The following SLC22A8 variants were observed in gnomAD, a reference collection of about 807,000 sequenced individuals.
SLC22A8 encodes organic anion transporter 3.
In SLC22A8, 40 loss-of-function variants were observed where a neutral mutation model predicts 48.4. The observed-to-expected ratio is 0.83, with a 90% confidence interval of 0.64 to 1.08. The LOEUF is 1.08. Ranked by LOEUF, SLC22A8 falls within the 50% of genes least tolerant of loss-of-function variation. The pLI is 0.00. For missense variants in SLC22A8, 606 were observed against 699.0 expected, an observed-to-expected ratio of 0.87 and a Z score of 1.50; for synonymous variants, 268 against 286.3, an observed-to-expected ratio of 0.94 and a Z score of 0.65.
At position 63,006,595 on chromosome 11, in the gene SLC22A8, GTTTTTTTTTTTTT is replaced by G. The variant is rs58058368; in HGVS notation, c.334-5785_334-5773del. Among the ~76,000 whole-genome samples, 97 of 51,428 alleles carry G rather than the reference GTTTTTTTTTTTTT, an allele frequency of 1.9e-3. No homozygotes were observed. In the Middle Eastern group the frequency reaches 0.047, roughly 25 times the overall value. The allele number at this position is 51,428 out of a possible 152,430, so 33.7% of individuals were successfully genotyped here. On this transcript the variant is annotated intron_variant, in intron 2 of 10. Coordinates refer to ENST00000336232, the MANE Select transcript of SLC22A8 (RefSeq NM_004254.4). ...TGAGGACTGAGAATGTCTCATTTGA[GTTTTTTTTTTTTT>G]TTTTTTTTTTTTTTTTTGAGACAGA...
chr11:63,006,466 G>A (rs1310489012), intron 2 of SLC22A8, among the ~76,000 whole-genome samples: 1 of 151,950 alleles, frequency 6.6e-6, no homozygotes, highest in Admixed American at 6.6e-5. Flanking sequence ...TAGGTAAGGT[G>A]CTCCTCATTT....
At position 63,014,663 on chromosome 11, in the gene SLC22A8, C is replaced by G. The variant is rs928963210; in HGVS notation, c.296G>C (p.Trp99Ser). Residue 99 changes from tryptophan (W) to serine (S), a missense_variant, in exon 2 of 11, where the codon TGG (tryptophan) becomes TCG (serine). Physicochemically the swap from Trp to Ser is radical, Grantham distance 177. Coordinates refer to ENST00000336232, the MANE Select transcript of SLC22A8 (RefSeq NM_004254.4). ...GGAGTCCTTGGTGCTGTTGTAGACC[C>G]AGCCATCCAGGCATGGCTCCATGGC... is the stretch of plus-strand genomic sequence containing the variant. ...QRAMEPCLDGWVYNSTKDSIV... is the reference protein window; with the variant it reads ...QRAMEPCLDGSVYNSTKDSIV... 4 of 1,609,828 alleles carry G rather than the reference C, an allele frequency of 2.5e-6. No individual in the cohort carries two copies. The highest frequency in any genetic ancestry group is 2.5e-6 in the Non-Finnish European group (3 of 1,176,966).
At chr11:63,000,918 C>T (rs2086486448) in intron 2 of SLC22A8, 95 bp from the exon 3 acceptor site, 1 of 929,368 alleles carries the variant, frequency 1.1e-6, no homozygotes, top group Non-Finnish European at 1.7e-6. Context: ...GCTTCCTCTC[C>T]CAGCGCCCTG....
In SLC22A8 at chr11:62,994,765, C is replaced by G; in HGVS notation, c.1002-9G>C. On this transcript the variant is annotated splice_polypyrimidine_tract_variant and intron_variant, in intron 7 of 10. Transcript: ENST00000336232. The stretch of plus-strand genomic sequence containing the variant: ...CAAAACCGGTAGCAAACCTGAGAGG[C>G]AGAGAAGGATTGGTTAGCACCTGCA... 6.2e-7 allele frequency: 1 copy of G among 1,613,012 alleles called. No homozygotes were observed. The highest frequency in any genetic ancestry group is 8.5e-7 in the Non-Finnish European group (1 of 1,178,980).
intron 2 of SLC22A8, among the ~76,000 whole-genome samples, chr11:63,009,512 T>C (rs2086593827): frequency 6.6e-6 from 1 of 152,062 alleles, no homozygotes; most frequent in Admixed American, 6.5e-5. Context: ...GCCCACAAGC[T>C]GAGGTTCAGT....
At chr11:63,010,645 C>T (rs1440636917) in intron 2 of SLC22A8, among the ~76,000 whole-genome samples, 1 of 152,224 alleles carries the variant, frequency 6.6e-6, no homozygotes, top group African/African-American at 2.4e-5. Flanking sequence ...AGTGCTCTCA[C>T]AGCTGAGAGT....
intron 8 of SLC22A8, 33 bp downstream of exon 8, chr11:62,994,509 C>T: frequency 6.5e-7 from 1 of 1,540,066 alleles, no homozygotes; most frequent in Non-Finnish European, 8.8e-7. Context: ...GCAGCCTCTT[C>T]CAGAGGGTTC....
rs962401342 is a variant in SLC22A8 at position 62,995,838 on chromosome 11, G to C, written c.886-19C>G. 1.9e-6 allele frequency: 3 copies of C among 1,589,496 alleles called. No homozygotes were observed. The African/African-American group carries it at 4.0e-5, about 21-fold the overall frequency. On this transcript the variant is annotated intron_variant, in intron 6 of 10. Coordinates refer to ENST00000336232, the MANE Select transcript of SLC22A8 (RefSeq NM_004254.4). ...TGAGCTCCTTCGGGCAGAGGAGGGG[G>C]AGGGGTGCCATTAATGACCAGCTAG...
intron 6 of SLC22A8, 83 bp downstream of exon 6, chr11:62,995,945 CA>C: frequency 6.3e-7 from 1 of 1,593,644 alleles, no homozygotes; most frequent in South Asian, 1.1e-5. Context: ...GGCTGTGAGC[CA>C]GGGGAACAGA....
intron 4 of SLC22A8, 29 bp downstream of exon 4, chr11:62,999,659 G>T (rs2086467070): frequency 6.7e-7 from 1 of 1,481,718 alleles, no homozygotes; most frequent in East Asian, 2.5e-5. Flanking sequence ...GCTCCCCAAA[G>T]CCCAGCTCCA....
chr11:62,993,272 G>C lies in SLC22A8; in HGVS notation c.1594C>G (p.Leu532Val). ...EVEKASQRIPLQPHGPGLGSS is the reference protein window; with the variant it reads ...EVEKASQRIPVQPHGPGLGSS Reference sequence around the variant, plus strand: ...CCCAGGCCTGGTCCGTGAGGCTGTAGAGGGATCCTCTGGGAGGCCTTTTCC... The same window carrying C: ...CCCAGGCCTGGTCCGTGAGGCTGTACAGGGATCCTCTGGGAGGCCTTTTCC... The change falls in exon 11 of 11, where the codon CTA becomes GTA. Residue 532 changes from leucine to valine, a missense_variant. Transcript: ENST00000336232. 2 of 1,613,356 alleles carry C rather than the reference G, an allele frequency of 1.2e-6. No individual in the cohort carries two copies. The highest frequency in any genetic ancestry group is 1.7e-6 in the Non-Finnish European group (2 of 1,179,926).
chr11:63,008,589 G>C (rs2086582508), intron 2 of SLC22A8, among the ~76,000 whole-genome samples: 1 of 152,098 alleles, frequency 6.6e-6, no homozygotes, highest in Non-Finnish European at 1.5e-5. Flanking sequence ...TGCTTCTCAG[G>C]CTTGTGAATG....
At chr11:63,003,639 T>A (rs569482556) in intron 2 of SLC22A8, among the ~76,000 whole-genome samples, 1 of 152,334 alleles carries the variant, frequency 6.6e-6, no homozygotes, top group Non-Finnish European at 1.5e-5. Flanking sequence ...TCTTCCATAG[T>A]AAATAGCACA....
intron 2 of SLC22A8, among the ~76,000 whole-genome samples, chr11:63,003,435 G>T (rs1328898235): frequency 6.6e-6 from 1 of 152,108 alleles, no homozygotes; most frequent in Non-Finnish European, 1.5e-5. Context: ...TTGGGAAGGG[G>T]GCCTGCATGG....
chr11:63,005,851 T>C (rs985783573), intron 2 of SLC22A8, among the ~76,000 whole-genome samples: 8 of 152,164 alleles, frequency 5.3e-5, no homozygotes, highest in African/African-American at 1.9e-4. Flanking sequence ...ATAAAATCTG[T>C]TGTTCTGAGC....
chr11:62,995,245 C>G, intron 7 of SLC22A8: 1 of 238,944 alleles, frequency 4.2e-6, no homozygotes, highest in Non-Finnish European at 8.2e-6. Context: ...AACCAGGTCA[C>G]AGAAAGGGCT....
intron 2 of SLC22A8, among the ~76,000 whole-genome samples, chr11:63,004,856 G>A (rs573701450): frequency 4.6e-5 from 7 of 152,330 alleles, no homozygotes; most frequent in African/African-American, 9.6e-5. Flanking sequence ...GAGAGCCTTA[G>A]AAGTTAGAGA....
At position 62,994,923 on chromosome 11, in the gene SLC22A8, G is replaced by T; in HGVS notation, c.1002-167C>A. 3 of 644,468 alleles carry T rather than the reference G, an allele frequency of 4.7e-6. No homozygotes were observed. The Admixed American group carries it at 6.8e-5, about 15-fold the overall frequency. The allele number at this position is 644,468 out of a possible 1,614,324, so 39.9% of individuals were successfully genotyped here. A position where few individuals can be genotyped will look rare whatever the true frequency, so the allele number is the denominator to read the frequency against. ...TTTGAGGTTTCTGAGATCGTGTCTGGGCTCAGGGAGAAAGTGCTGTGATTG... is the reference window on the plus strand; with the variant it reads ...TTTGAGGTTTCTGAGATCGTGTCTGTGCTCAGGGAGAAAGTGCTGTGATTG... On this transcript the variant is annotated intron_variant, in intron 7 of 10. Coordinates refer to ENST00000336232, the MANE Select transcript of SLC22A8 (RefSeq NM_004254.4).
chr11:62,994,487 G>A lies in SLC22A8; in HGVS notation c.1216+55C>T, dbSNP rs540265235. Reference sequence around the variant, plus strand: ...GGCAGAGCCAGCAGTGAAGTCCCTGGCACCCAACCTGGCAGCCTCTTCCAG... The same window carrying A: ...GGCAGAGCCAGCAGTGAAGTCCCTGACACCCAACCTGGCAGCCTCTTCCAG... On this transcript the variant is annotated intron_variant, in intron 8 of 10. Coordinates refer to ENST00000336232, the MANE Select transcript of SLC22A8 (RefSeq NM_004254.4). 1.4e-4 allele frequency: 190 copies of A among 1,388,406 alleles called. 3 individuals are homozygous for A. In the South Asian group the frequency reaches 2.2e-3, roughly 16 times the overall value. 86.0% of individuals were successfully genotyped at this position (1,388,406 alleles called of 1,614,324 possible).
Sources: gnomAD v4.1 joint callset for allele counts (sites outside exome capture counted in the v4.1 genomes callset) on GRCh38, gnomAD v4.1.1 for gene constraint, MANE v1.5 for transcripts, NCBI Gene and HGNC (gene_info 2026-07-23, HGNC 2026-07-21) for gene names.